The following IQCM variants were observed in gnomAD, a reference collection of about 807,000 sequenced individuals.
IQCM encodes the protein IQ motif containing M.
Under a neutral mutation model 57.6 loss-of-function variants are expected in IQCM, and 45 were observed. That is an observed-to-expected ratio of 0.78 (90% confidence interval 0.62 to 1.00). The LOEUF (loss-of-function observed/expected upper bound fraction) is 1.00. IQCM is among the 50% of genes least tolerant of loss of function. IQCM has a pLI of 0.00. For missense variants in IQCM, 468 were observed against 511.6 expected (o/e 0.91, Z 0.82); for synonymous variants, 148 against 158.9 (o/e 0.93, Z 0.51).
intron 13 of IQCM, among the ~76,000 whole-genome samples, chr4:149,431,939 A>G (rs1397263991): frequency 6.6e-6 from 1 of 150,970 alleles, no homozygotes; most frequent in Non-Finnish European, 1.5e-5. Context: ...GATTATATAT[A>G]TATATATATA....
chr4:149,566,886 T>C (rs1430782315), intron 9 of IQCM, among the ~76,000 whole-genome samples: 2 of 152,166 alleles, frequency 1.3e-5, no homozygotes, highest in Admixed American at 1.3e-4. Context: ...GAAAAGAAGC[T>C]AATACACTAA....
At chr4:149,414,236 T>G (rs1478647666) in intron 13 of IQCM, among the ~76,000 whole-genome samples, 1 of 152,300 alleles carries the variant, frequency 6.6e-6, no homozygotes, top group South Asian at 2.1e-4. Flanking sequence ...TTCATCCAAT[T>G]GCTTAAGGAC....
At chr4:149,803,811 AG>A (rs762475210) in intron 2 of IQCM, among the ~76,000 whole-genome samples, 85 of 152,048 alleles carry the variant, frequency 5.6e-4, no homozygotes, top group Non-Finnish European at 1.0e-3. Flanking sequence ...TTTCTTAAAT[AG>A]GGTCTGAGAT....
At chr4:149,626,383 C>G (rs1054668668) in intron 7 of IQCM, among the ~76,000 whole-genome samples, 8 of 71,656 alleles carry the variant, frequency 1.1e-4, no homozygotes, top group African/African-American at 3.3e-4. Context: ...GTTAGTTATA[C>G]TTAATAAACA....
chr4:149,507,886 G>A lies in IQCM; in HGVS notation c.1228+40569C>T, dbSNP rs576596949. On this transcript the variant is annotated intron_variant, in intron 12 of 13. Coordinates refer to ENST00000636793, the MANE Select transcript of IQCM (RefSeq NM_001363507.2). ...CCATCACAGACCCAGAGGTTTGGGAGGGAAAAATGGTTTGGTGGGCTGAGC... is the reference window on the plus strand; with the variant it reads ...CCATCACAGACCCAGAGGTTTGGGAAGGAAAAATGGTTTGGTGGGCTGAGC... 3.3e-5 allele frequency among the ~76,000 whole-genome samples: 5 copies of A among 152,196 alleles called. No homozygotes were observed. The South Asian group carries it at 1.0e-3, about 32-fold the overall frequency.
At chr4:149,770,305 C>G (rs1273548645) in intron 2 of IQCM, among the ~76,000 whole-genome samples, 1 of 151,956 alleles carries the variant, frequency 6.6e-6, no homozygotes, top group Non-Finnish European at 1.5e-5. Context: ...GACTGGATAG[C>G]TTTTTCACAA....
At chr4:149,757,426 A>T (rs1309754621) in intron 2 of IQCM, among the ~76,000 whole-genome samples, 1 of 152,168 alleles carries the variant, frequency 6.6e-6, no homozygotes, top group African/African-American at 2.4e-5. Context: ...AAGACAATTC[A>T]GCTCAGGTTG....
intron 2 of IQCM, among the ~76,000 whole-genome samples, chr4:149,744,404 C>A (rs1006322221): frequency 6.6e-6 from 1 of 152,140 alleles, no homozygotes; most frequent in African/African-American, 2.4e-5. Flanking sequence ...TGTGCTCCAT[C>A]ATTTTCTTGT....
intron 7 of IQCM, among the ~76,000 whole-genome samples, chr4:149,639,741 C>A (rs747726499): frequency 2.3e-4 from 35 of 151,880 alleles, no homozygotes; most frequent in Admixed American, 9.8e-4. Context: ...GGAAATATGG[C>A]AAAACTCTAG....
intron 12 of IQCM, among the ~76,000 whole-genome samples, chr4:149,440,213 C>G (rs1258125300): frequency 6.7e-6 from 1 of 149,846 alleles, no homozygotes; most frequent in African/African-American, 2.5e-5. Context: ...GGTGATCTGC[C>G]GCCTTGACCT....
chr4:149,490,286 C>T (rs1367137809), intron 12 of IQCM, among the ~76,000 whole-genome samples: 1 of 151,752 alleles, frequency 6.6e-6, no homozygotes, highest in Non-Finnish European at 1.5e-5. Flanking sequence ...CATTTTGAAA[C>T]CAAGTGTCAC....
intron 12 of IQCM, among the ~76,000 whole-genome samples, chr4:149,476,980 C>T (rs528215952): frequency 6.6e-6 from 1 of 152,236 alleles, no homozygotes; most frequent in East Asian, 1.9e-4. Context: ...ACAGGAAAGA[C>T]TGAAATCTGG....
At chr4:149,520,845 T>G (rs1453060933) in intron 12 of IQCM, among the ~76,000 whole-genome samples, 1 of 152,046 alleles carries the variant, frequency 6.6e-6, no homozygotes, top group African/African-American at 2.4e-5. Flanking sequence ...TCTTCCACCT[T>G]GCCTCCTACT....
chr4:149,580,222 T>G (rs1752050308), intron 9 of IQCM, among the ~76,000 whole-genome samples: 1 of 151,820 alleles, frequency 6.6e-6, no homozygotes, highest in African/African-American at 2.4e-5. Flanking sequence ...CTCAGGTGAA[T>G]AATTTTCCAT....
At chr4:149,574,318 G>A (rs7664726) in intron 9 of IQCM, among the ~76,000 whole-genome samples, 3,612 of 151,944 alleles carry the variant, frequency 0.024, 106 homozygotes, top group South Asian at 0.15. Flanking sequence ...CCACTAAAGA[G>A]TCTCCATACA....
chr4:149,626,497 T>C (rs1756824391), intron 7 of IQCM, among the ~76,000 whole-genome samples: 1 of 150,600 alleles, frequency 6.6e-6, no homozygotes, highest in Non-Finnish European at 1.5e-5. Context: ...AAGCTTAAGG[T>C]AAGTTAGAAA....
chr4:149,601,777 G>A (rs1361497136), intron 8 of IQCM, among the ~76,000 whole-genome samples: 1 of 152,072 alleles, frequency 6.6e-6, no homozygotes, highest in African/African-American at 2.4e-5. Context: ...TGTTTTATAT[G>A]GCCTGGCGCG....
intron 12 of IQCM, among the ~76,000 whole-genome samples, chr4:149,538,714 G>GA (rs1160869786): frequency 4.6e-5 from 7 of 151,562 alleles, no homozygotes; most frequent in Non-Finnish European, 1.5e-5. Flanking sequence ...AAAATACTTG[G>GA]AAAAATCATA....
chr4:149,742,798 C>A (rs1767579974), intron 2 of IQCM, 59 bp from the exon 3 acceptor site: 3 of 767,182 alleles, frequency 3.9e-6, no homozygotes, highest in Admixed American at 8.7e-5. Flanking sequence ...TTAGCTATTT[C>A]TTTTGCTCAC....
Sources: allele counts gnomAD v4.1 joint callset (sites outside exome capture counted in the v4.1 genomes callset), GRCh38; gene constraint gnomAD v4.1.1; transcripts MANE v1.5; gene names NCBI Gene and HGNC (gene_info 2026-07-23, HGNC 2026-07-21).